Variants in MAPK6 observed in about 807,000 individuals in gnomAD.
MAPK6 encodes ERK-3.
Under a neutral mutation model 59.3 loss-of-function variants are expected in MAPK6, and 19 were observed. That is an observed-to-expected ratio of 0.32 (90% CI 0.22 to 0.47). The LOEUF is 0.47. MAPK6 is among the 20% of genes least tolerant of loss of function. The pLI is 1.00. For synonymous variants in MAPK6, 316 were observed against 290.3 expected, an observed-to-expected ratio of 1.09 and a Z score of -0.90; for missense variants, 724 against 847.9, an observed-to-expected ratio of 0.85 and a Z score of 1.81.
chr15:52,004,760 A>G (rs1227765298), intron 3 of MAPK6, among the ~76,000 whole-genome samples: 1 of 152,208 alleles, frequency 6.6e-6, no homozygotes, highest in Non-Finnish European at 1.5e-5. Flanking sequence ...GCATGATTCA[A>G]TTCATGAGAG....
chr15:52,049,726 T>G (rs927260601), intron 2 of MAPK6, among the ~76,000 whole-genome samples: 6 of 151,064 alleles, frequency 4.0e-5, no homozygotes, highest in African/African-American at 1.5e-4. Context: ...GCGATTCTCC[T>G]GGCTCAGCCT....
Position 52,051,398 on chromosome 15 carries a change from C to G in MAPK6, c.700+1261C>G, listed in dbSNP as rs80188070. 8.0e-5 allele frequency among the ~76,000 whole-genome samples: 12 copies of G among 150,054 alleles called. No individual in the cohort carries two copies. The East Asian group carries it at 2.4e-3, about 29-fold the overall frequency. ...AGAGTGGTTCCCCCCAACCCCCAGA[C>G]GGTGCTAAGAGCAGAAGGAAAGGAA... On this transcript the variant is annotated intron_variant, in intron 3 of 5. Transcript: ENST00000261845.
In MAPK6 at chr15:52,037,849, A is replaced by C. The variant is rs78917848; in HGVS notation, c.-631-7981A>C. Among the ~76,000 whole-genome samples, 6 of 152,340 alleles carry C rather than the reference A, an allele frequency of 3.9e-5. No individual in the cohort carries two copies. In the East Asian group the frequency reaches 1.2e-3, roughly 29 times the overall value. ...TGCTATTTACATTGATTCATTCAGT[A>C]CATATTTTAGGGTACCTACTAATTA... On this transcript the variant is annotated intron_variant, in intron 1 of 5. Transcript: ENST00000261845.
chr15:51,998,687 A>AT (rs964775744), intron 2 of MAPK6, among the ~76,000 whole-genome samples: 818 of 38,492 alleles, frequency 0.021, 241 homozygotes, highest in South Asian at 0.06. Context: ...TGCCTGGTTA[A>AT]TTTTTTTTTT....
chr15:51,987,643 A>G (rs1206221585), intron 2 of MAPK6, among the ~76,000 whole-genome samples: 1 of 151,962 alleles, frequency 6.6e-6, no homozygotes, highest in Non-Finnish European at 1.5e-5. Context: ...CTACATACTC[A>G]GTAAAACCAA....
At chr15:52,056,407 A>G (rs893673120) in intron 3 of MAPK6, among the ~76,000 whole-genome samples, 1 of 152,166 alleles carries the variant, frequency 6.6e-6, no homozygotes, top group Non-Finnish European at 1.5e-5. Flanking sequence ...GCCACATACT[A>G]CTGTACTCGT....
chr15:52,019,781 C>T (rs1381219621), intron 1 of MAPK6: 1 of 152,172 alleles, frequency 6.6e-6, no homozygotes, highest in Non-Finnish European at 1.5e-5. Context: ...GGTTCGAAAC[C>T]CAGCCGGACC....
chr15:52,054,591 A>G (rs574346072), intron 3 of MAPK6, among the ~76,000 whole-genome samples: 4 of 152,186 alleles, frequency 2.6e-5, no homozygotes, highest in Non-Finnish European at 4.4e-5. Flanking sequence ...TGAGTCACTA[A>G]GTACGCTTCA....
chr15:52,044,807 C>A (rs2031546041), intron 1 of MAPK6, among the ~76,000 whole-genome samples: 1 of 151,978 alleles, frequency 6.6e-6, no homozygotes, highest in Non-Finnish European at 1.5e-5. Flanking sequence ...TTCTAGTAAT[C>A]TGCCATGTTT....
At chr15:51,994,056 G>A (rs2057217699) in intron 2 of MAPK6, among the ~76,000 whole-genome samples, 1 of 152,022 alleles carries the variant, frequency 6.6e-6, no homozygotes, top group African/African-American at 2.4e-5. Flanking sequence ...CACCTCCTGG[G>A]TTCAAGCGAT....
intron 1 of MAPK6, among the ~76,000 whole-genome samples, chr15:52,024,878 CTTT>C (rs35983896): frequency 3.6e-5 from 3 of 84,150 alleles, no homozygotes; most frequent in Admixed American, 1.8e-4. Flanking sequence ...CATACACTGC[CTTT>C]TTTTTTTTTT....
rs2057229371 is a variant in MAPK6 at position 51,997,780 on chromosome 15, C to T, written c.-769-6485C>T. Among the ~76,000 whole-genome samples, 4 of 151,486 alleles carry T rather than the reference C, an allele frequency of 2.6e-5. No homozygotes were observed. The South Asian group carries it at 8.4e-4, about 32-fold the overall frequency. On this transcript the variant is annotated intron_variant, in intron 2 of 7. Coordinates refer to the MAPK6 transcript ENST00000691380. Reference sequence around the variant, plus strand: ...TAATTTTTTGTATTTTTAGTAGAGACAGGGTTTCGCCATGTTGCCTAGGCT... The same window carrying T: ...TAATTTTTTGTATTTTTAGTAGAGATAGGGTTTCGCCATGTTGCCTAGGCT...
intron 2 of MAPK6, among the ~76,000 whole-genome samples, chr15:51,986,313 G>T (rs1339353762): frequency 1.3e-5 from 2 of 152,132 alleles, no homozygotes; most frequent in Admixed American, 6.6e-5. Flanking sequence ...CATGAGATTT[G>T]GGTGGGGACA....
intron 1 of MAPK6, among the ~76,000 whole-genome samples, chr15:52,043,324 A>G (rs992673124): frequency 1.3e-5 from 2 of 151,976 alleles, no homozygotes; most frequent in Non-Finnish European, 2.9e-5. Context: ...TTGAGACGGA[A>G]TCTTGCTCTT....
Position 52,063,996 on chromosome 15 carries a change from G to C in MAPK6, c.1162G>C (p.Val388Leu), listed in dbSNP as rs1208932197. The C allele has an allele frequency of 6.2e-7, 1 of 1,613,718 alleles. No individual in the cohort carries two copies. Residue 388 changes from valine (V) to leucine (L), a missense_variant, in exon 6 of 6, where the codon GTC becomes CTC. Val to Leu is a conservative substitution (Grantham distance 32). Coordinates refer to ENST00000261845, the MANE Select transcript of MAPK6 (RefSeq NM_002748.4). ...GCTTGATCCAAGAGCTCTGTCCGAT[G>C]TCACTGATGAAGAAGAAGTACAAGT... is the stretch of plus-strand genomic sequence containing the variant. ...VQLDPRALSD[V>L]TDEEEVQVDP...
intron 1 of MAPK6, among the ~76,000 whole-genome samples, chr15:51,980,965 C>T (rs1277273728): frequency 6.6e-6 from 1 of 151,596 alleles, no homozygotes; most frequent in Admixed American, 6.6e-5. Flanking sequence ...AGACAGAAAA[C>T]ATACTTCCCA....
chr15:52,016,581 A>G (rs542024357), upstream of MAPK6, among the ~76,000 whole-genome samples: 95 of 152,200 alleles, frequency 6.2e-4, 1 homozygote, highest in African/African-American at 2.2e-3. Context: ...TACTCACAGA[A>G]TTTGCCTTCA....
At chr15:51,987,686 C>A (rs1393240346) in intron 2 of MAPK6, among the ~76,000 whole-genome samples, 1 of 151,952 alleles carries the variant, frequency 6.6e-6, no homozygotes, top group African/African-American at 2.4e-5. Flanking sequence ...ACAGATTATC[C>A]ACTTTCCTGA....
rs1178226236 is a variant in MAPK6 at position 52,067,230 on chromosome 15, G to A, written c.*2230G>A. On this transcript the variant is annotated 3_prime_UTR_variant, in exon 6 of 6. Transcript: ENST00000261845. ...CATCTACACAATGATCTGACTTGTT[G>A]GCATTAAAAAGTCCAAACATAGTCA... 1 of 152,002 alleles carries A rather than the reference G, an allele frequency of 6.6e-6. No homozygotes were observed. Among genetic ancestry groups the A allele is most frequent in the African/African-American group, 2.4e-5 (1 of 41,358 alleles). 9.4% of individuals were successfully genotyped at this position (152,002 alleles called of 1,614,324 possible).
Sources: gnomAD v4.1 joint callset for allele counts (sites outside exome capture counted in the v4.1 genomes callset) on GRCh38, gnomAD v4.1.1 for gene constraint, MANE v1.5 for transcripts, NCBI Gene and HGNC (gene_info 2026-07-23, HGNC 2026-07-21) for gene names.